CFAP54: variants seen among roughly 807,000 people sequenced by gnomAD.
The protein encoded by CFAP54 is cilia- and flagella-associated protein 54.
A neutral mutation model predicts 370.4 loss-of-function variants in CFAP54; 290 were observed. That is an observed-to-expected ratio of 0.78 (90% CI 0.71 to 0.86). The LOEUF (loss-of-function observed/expected upper bound fraction) is 0.86. CFAP54 is among the 40% of genes least tolerant of loss of function. The pLI, the probability that CFAP54 is intolerant of heterozygous loss-of-function variation, is 0.00. For synonymous variants in CFAP54, 1,206 were observed against 1,236.5 expected, an observed-to-expected ratio of 0.98 and a Z score of 0.52; for missense variants, 3,399 against 3,528.7, an observed-to-expected ratio of 0.96 and a Z score of 0.93.
chr12:96,702,961 T>A (rs1293446102), intron 46 of CFAP54, among the ~76,000 whole-genome samples: 3 of 152,212 alleles, frequency 2.0e-5, no homozygotes, highest in Non-Finnish European at 4.4e-5. Flanking sequence ...GCTCTTATCA[T>A]CAAATCTAAA....
intron 60 of CFAP54, among the ~76,000 whole-genome samples, chr12:96,771,736 T>A (rs1958465269): frequency 1.3e-5 from 2 of 152,130 alleles, no homozygotes; most frequent in Admixed American, 1.3e-4. Context: ...ACCTGAATGA[T>A]ACATGGAAAT....
At chr12:96,644,518 C>A in intron 33 of CFAP54, 110 bp downstream of exon 33, 1 of 765,102 alleles carries the variant, frequency 1.3e-6, no homozygotes, top group South Asian at 1.8e-5. Context: ...TTACAGAGTG[C>A]TTCTATCTTT....
chr12:96,679,381 G>A (rs1311037231), intron 39 of CFAP54, among the ~76,000 whole-genome samples: 2 of 149,932 alleles, frequency 1.3e-5, no homozygotes, highest in Non-Finnish European at 3.0e-5. Flanking sequence ...AGAATCAAAA[G>A]TTTTCCAAGC....
intron 33 of CFAP54, chr12:96,645,222 A>G: frequency 2.2e-6 from 1 of 455,644 alleles, no homozygotes; most frequent in South Asian, 1.6e-5. Flanking sequence ...TAGAAGATAC[A>G]TACATAATAT....
chr12:96,798,624 T>G (rs1455715761), intron 63 of CFAP54, among the ~76,000 whole-genome samples: 3 of 152,210 alleles, frequency 2.0e-5, no homozygotes, highest in African/African-American at 7.2e-5. Context: ...GAATCTCATC[T>G]CTGCCACTTA....
chr12:96,521,549 CGCGT>C (rs1267368408), intron 6 of CFAP54, among the ~76,000 whole-genome samples: 363 of 30,878 alleles, frequency 0.012, 5 homozygotes, highest in African/African-American at 0.056. Flanking sequence ...TGTGTGTGTG[CGCGT>C]GCGCACATGA....
chr12:96,506,119 C>T (rs1013248044), intron 3 of CFAP54, among the ~76,000 whole-genome samples: 1 of 152,118 alleles, frequency 6.6e-6, no homozygotes, highest in African/African-American at 2.4e-5. Flanking sequence ...GCAGGCGGAT[C>T]ACGAGGTCAG....
chr12:96,820,052 C>T (rs556756826), intron 65 of CFAP54, among the ~76,000 whole-genome samples: 20 of 152,194 alleles, frequency 1.3e-4, no homozygotes, highest in East Asian at 3.9e-4. Context: ...GTGTGGGAAT[C>T]GGGGATGAGC....
intron 32 of CFAP54, among the ~76,000 whole-genome samples, 174 bp downstream of exon 32, chr12:96,630,825 A>G (rs906783311): frequency 1.3e-5 from 2 of 152,030 alleles, no homozygotes; most frequent in African/African-American, 4.8e-5. Context: ...TAAATAAACA[A>G]GACAGTTAAA....
At chr12:96,688,815 C>T in intron 42 of CFAP54, 101 bp from the exon 43 acceptor site, 6 of 573,398 alleles carry the variant, frequency 1.0e-5, no homozygotes, top group Non-Finnish European at 1.2e-5. Context: ...ATGCATTTTT[C>T]TTATACTTTT....
chr12:96,632,545 A>C (rs948790565), intron 32 of CFAP54, among the ~76,000 whole-genome samples: 15 of 152,014 alleles, frequency 9.9e-5, no homozygotes, highest in Admixed American at 8.5e-4. Flanking sequence ...TCACTTAACA[A>C]GTTTTCATAT....
In CFAP54 at chr12:96,864,514, A is replaced by T. The variant is rs79528188; in HGVS notation, c.*14+3562A>T. Among the ~76,000 whole-genome samples the T allele has an allele frequency of 3.4e-3, 523 of 152,180 alleles. 6 individuals are homozygous for T. The highest frequency in any genetic ancestry group is 0.012 in the African/African-American group (484 of 41,518). On this transcript the variant is annotated intron_variant, in intron 67 of 67. Transcript: ENST00000524981. Reference sequence around the variant, plus strand: ...TGTTCGTCACAGAACTGCAGGAGGGAAGTGGTAAATTTCTGGAGAGTAGAA... The same window carrying T: ...TGTTCGTCACAGAACTGCAGGAGGGTAGTGGTAAATTTCTGGAGAGTAGAA...
chr12:96,606,442 G>A (rs888221613), intron 26 of CFAP54, among the ~76,000 whole-genome samples: 10 of 152,294 alleles, frequency 6.6e-5, no homozygotes, highest in South Asian at 4.1e-4. Context: ...GTATTCCCAC[G>A]TGTTTTGTGT....
intron 32 of CFAP54, among the ~76,000 whole-genome samples, chr12:96,642,852 T>C (rs1474276908): frequency 2.6e-5 from 4 of 152,184 alleles, no homozygotes; most frequent in African/African-American, 9.7e-5. Context: ...TGGAGCACCC[T>C]GAATGTTAAG....
chr12:96,854,089 A>G (rs1959632581), intron 66 of CFAP54, among the ~76,000 whole-genome samples: 1 of 152,130 alleles, frequency 6.6e-6, no homozygotes, highest in Non-Finnish European at 1.5e-5. Flanking sequence ...ATACAAATAT[A>G]TTAATGCTAA....
chr12:96,583,154 T>C (rs1361077104), intron 22 of CFAP54, among the ~76,000 whole-genome samples: 1 of 152,218 alleles, frequency 6.6e-6, no homozygotes, highest in African/African-American at 2.4e-5. Flanking sequence ...GAATCTCTAC[T>C]AGGCTTTCCC....
chr12:96,748,022 C>G (rs978356902), intron 55 of CFAP54, among the ~76,000 whole-genome samples: 1 of 152,102 alleles, frequency 6.6e-6, no homozygotes, highest in African/African-American at 2.4e-5. Context: ...TCTGCAGACT[C>G]AGATATGTGG....
intron 65 of CFAP54, among the ~76,000 whole-genome samples, chr12:96,828,501 T>C (rs996126565): frequency 6.6e-6 from 1 of 152,046 alleles, no homozygotes; most frequent in Non-Finnish European, 1.5e-5. Context: ...ATGTCTCTTC[T>C]GTTGTTCTTC....
chr12:96,665,287 A>C (rs2136526544), intron 39 of CFAP54, among the ~76,000 whole-genome samples: 1 of 152,012 alleles, frequency 6.6e-6, no homozygotes, highest in Non-Finnish European at 1.5e-5. Context: ...TACAATGTTG[A>C]TAGTTTCTTT....
Sources: gnomAD v4.1 joint callset for allele counts (sites outside exome capture counted in the v4.1 genomes callset) on GRCh38, gnomAD v4.1.1 for gene constraint, MANE v1.5 for transcripts, NCBI Gene and HGNC (gene_info 2026-07-23, HGNC 2026-07-21) for gene names.